Variants in FER observed in about 807,000 individuals in gnomAD.
FER encodes the protein tyrosine-protein kinase Fer.
FER carries 63 observed loss-of-function variants against 111.0 expected under a neutral mutation model. The observed-to-expected ratio is 0.57, with a 90% CI of 0.46 to 0.70. The LOEUF is 0.70. Among genes scored for constraint, FER ranks in the 30% least tolerant of loss-of-function variants. The pLI is 0.00. For synonymous variants in FER, 327 were observed against 313.9 expected (o/e 1.04, Z -0.44); for missense variants, 914 against 954.0 (o/e 0.96, Z 0.55).
intron 13 of FER, among the ~76,000 whole-genome samples, chr5:109,011,761 C>G (rs1766300569): frequency 6.6e-6 from 1 of 152,186 alleles, no homozygotes; most frequent in Non-Finnish European, 1.5e-5. Context: ...CAGACCTGTG[C>G]AGATTCAGGG....
chr5:109,097,774 T>G (rs1747720930), intron 16 of FER, among the ~76,000 whole-genome samples: 1 of 151,850 alleles, frequency 6.6e-6, no homozygotes, highest in Admixed American at 6.6e-5. Flanking sequence ...TTCTGCCTCC[T>G]GGGGAGTTTA....
intron 13 of FER, among the ~76,000 whole-genome samples, chr5:108,973,472 A>T (rs1185571667): frequency 6.6e-6 from 1 of 151,690 alleles, no homozygotes; most frequent in African/African-American, 2.4e-5. Flanking sequence ...TAAGCCTTAC[A>T]GAAAAATGAA....
intron 1 of FER, among the ~76,000 whole-genome samples, chr5:108,757,433 G>T (rs994555054): frequency 6.6e-6 from 1 of 152,008 alleles, no homozygotes; most frequent in Admixed American, 6.6e-5. Context: ...GAATAAAGAG[G>T]CCTGAGAAGG....
At chr5:108,855,927 A>T in intron 5 of FER, among the ~76,000 whole-genome samples, 1 of 151,870 alleles carries the variant, frequency 6.6e-6, no homozygotes, top group Non-Finnish European at 1.5e-5. Flanking sequence ...AACTGGAAGA[A>T]GTGTAGTAAA....
intron 13 of FER, among the ~76,000 whole-genome samples, chr5:109,014,408 T>C (rs1000729614): frequency 1.3e-5 from 2 of 152,246 alleles, no homozygotes; most frequent in African/African-American, 4.8e-5. Context: ...ACGGCCTTAT[T>C]TCTGAGGGCT....
chr5:109,012,581 T>A (rs190452828), intron 13 of FER, among the ~76,000 whole-genome samples: 2 of 152,360 alleles, frequency 1.3e-5, no homozygotes, highest in Non-Finnish European at 2.9e-5. Flanking sequence ...ATAAAGCCTT[T>A]CCAAAAATTT....
chr5:109,041,006 G>A (rs930628215), intron 14 of FER, among the ~76,000 whole-genome samples: 1 of 152,116 alleles, frequency 6.6e-6, no homozygotes, highest in African/African-American at 2.4e-5. Flanking sequence ...GGAAACAAAA[G>A]CATCAGCTAA....
chr5:109,068,135 G>A (rs1406593001), intron 16 of FER, among the ~76,000 whole-genome samples: 1 of 151,802 alleles, frequency 6.6e-6, no homozygotes, highest in Non-Finnish European at 1.5e-5. Context: ...AAGCCCAGTG[G>A]GAAACATACC....
chr5:109,032,149 G>T (rs1034990310), intron 13 of FER, among the ~76,000 whole-genome samples: 2 of 152,112 alleles, frequency 1.3e-5, no homozygotes, highest in African/African-American at 4.8e-5. Flanking sequence ...GGCTTCTGTG[G>T]GCTATGCCAG....
At chr5:109,001,672 T>C (rs1251164322) in intron 13 of FER, among the ~76,000 whole-genome samples, 3 of 152,142 alleles carry the variant, frequency 2.0e-5, no homozygotes, top group Non-Finnish European at 4.4e-5. Flanking sequence ...GGCATTCAAT[T>C]AGGAAAAGAG....
At chr5:109,010,493 C>G (rs1356141840) in intron 13 of FER, among the ~76,000 whole-genome samples, 1 of 152,022 alleles carries the variant, frequency 6.6e-6, no homozygotes, top group Non-Finnish European at 1.5e-5. Flanking sequence ...TGTTCCTGTT[C>G]TCTTACCAGT....
At position 109,195,305 on chromosome 5, in the gene FER, G is replaced by C. The variant is rs543920271; in HGVS notation, c.*7730G>C. 2 of 152,222 alleles carry C rather than the reference G, an allele frequency of 1.3e-5. No homozygotes were observed. The highest frequency in any genetic ancestry group is 1.3e-4 in the Admixed American group (2 of 15,284). The allele number at this position is 152,222 out of a possible 1,614,324, so 9.4% of individuals were successfully genotyped here. A position where few individuals can be genotyped will look rare whatever the true frequency, so the allele number is the denominator to read the frequency against. ...ATCCCATGCCATGCCAATGTGAATT[G>C]CTTTGCTTCAGTAACAATCAGAAGA... On this transcript the variant is annotated 3_prime_UTR_variant, in exon 20 of 20. Coordinates refer to ENST00000281092, the MANE Select transcript of FER (RefSeq NM_005246.4).
In FER at chr5:108,867,846, G is replaced by A. The variant is rs1353278552; in HGVS notation, c.561G>A (p.Leu187=). ...ATATGTTGCACAATCAGTATGTATTGGCGTTGAAAGGGGCACAGCTCCATC... is the reference window on the plus strand; with the variant it reads ...ATATGTTGCACAATCAGTATGTATTAGCGTTGAAAGGGGCACAGCTCCATC... ...KLHMLHNQYV[L]ALKGAQLHQN... The change falls in exon 6 of 20, where the codon TTG becomes TTA. Residue 187 remains leucine (L), a synonymous_variant. Transcript: ENST00000281092. The A allele has an allele frequency of 1.9e-6, 3 of 1,612,450 alleles. No homozygotes were observed. The highest frequency in any genetic ancestry group is 2.5e-6 in the Non-Finnish European group (3 of 1,179,428).
chr5:108,888,522 G>T (rs1485156692), intron 9 of FER, among the ~76,000 whole-genome samples: 2 of 151,910 alleles, frequency 1.3e-5, no homozygotes, highest in Non-Finnish European at 2.9e-5. Context: ...TGCATGGAAA[G>T]AGTGTTCAGA....
chr5:108,914,181 T>C (rs1261901021), intron 10 of FER, among the ~76,000 whole-genome samples: 2 of 152,010 alleles, frequency 1.3e-5, no homozygotes, highest in Non-Finnish European at 2.9e-5. Context: ...AGAAAAAAAT[T>C]GTTCTAACTT....
chr5:109,146,210 T>TTTATATATATATATTATATATCTAA (rs1561953365), intron 17 of FER, among the ~76,000 whole-genome samples: 1 of 95,308 alleles, frequency 1.0e-5, no homozygotes, highest in African/African-American at 3.9e-5. Flanking sequence ...TCTATCTATT[T>TTTATATATATATATTATATATCTAA]TATATATATA....
intron 10 of FER, among the ~76,000 whole-genome samples, chr5:108,931,429 C>A (rs558755051): frequency 1.4e-4 from 22 of 152,138 alleles, no homozygotes; most frequent in Middle Eastern, 3.4e-3. Context: ...AAATGTAGAT[C>A]CAAACTTTCC....
intron 2 of FER, among the ~76,000 whole-genome samples, chr5:108,787,186 G>GTGGA (rs1214352777): frequency 6.6e-6 from 1 of 152,212 alleles, no homozygotes; most frequent in Non-Finnish European, 1.5e-5. Context: ...CTGCTCCAGG[G>GTGGA]TGGAGCAAAG....
chr5:109,181,003 G>A (rs1432493312), intron 18 of FER, 102 bp downstream of exon 18: 48 of 944,450 alleles, frequency 5.1e-5, no homozygotes, highest in Non-Finnish European at 6.6e-5. Context: ...ATGCAAGTTA[G>A]AATGATTTGA....
Sources: gnomAD v4.1 joint callset for allele counts (sites outside exome capture counted in the v4.1 genomes callset) on GRCh38, gnomAD v4.1.1 for gene constraint, MANE v1.5 for transcripts, NCBI Gene and HGNC (gene_info 2026-07-23, HGNC 2026-07-21) for gene names.